Variants in CYP2C19 observed in about 807,000 individuals in gnomAD.
The protein encoded by CYP2C19 is cytochrome P450 family 2 subfamily C member 19.
Under a neutral mutation model 40.9 loss-of-function variants are expected in CYP2C19, and 59 were observed. That is an observed-to-expected ratio of 1.44 (90% confidence interval 1.17 to 1.79). The LOEUF (loss-of-function observed/expected upper bound fraction) is 1.79. Among genes scored for constraint, CYP2C19 ranks in the 40% most tolerant of loss-of-function variants. The pLI, the probability that CYP2C19 is intolerant of heterozygous loss-of-function variation, is 0.00. For missense variants in CYP2C19, 754 were observed against 596.9 expected (o/e 1.26, Z -2.74); for synonymous variants, 253 against 208.7 (o/e 1.21, Z -1.83).
At chr10:94,834,403 C>T (rs781746756) in intron 6 of CYP2C19, among the ~76,000 whole-genome samples, 4 of 151,824 alleles carry the variant, frequency 2.6e-5, no homozygotes, top group Non-Finnish European at 4.4e-5. Flanking sequence ...CTTAGTCTGG[C>T]TAAAAACTTG....
chr10:94,830,756 T>C (rs1251522729), intron 6 of CYP2C19, among the ~76,000 whole-genome samples: 3 of 152,204 alleles, frequency 2.0e-5, no homozygotes, highest in African/African-American at 7.2e-5. Context: ...TTTTTTCCTT[T>C]TTTATTTTTT....
intron 3 of CYP2C19, among the ~76,000 whole-genome samples, chr10:94,778,086 G>C (rs1357639820): frequency 6.6e-6 from 1 of 152,208 alleles, no homozygotes; most frequent in Non-Finnish European, 1.5e-5. Flanking sequence ...AGTGGCCAGA[G>C]TGTAGCCTCG....
chr10:94,815,997 A>G (rs1260069402), intron 5 of CYP2C19, among the ~76,000 whole-genome samples: 1 of 152,176 alleles, frequency 6.6e-6, no homozygotes, highest in African/African-American at 2.4e-5. Flanking sequence ...AGGTAATAGT[A>G]ACTTTAACAG....
chr10:94,824,789 G>A (rs568669844), intron 6 of CYP2C19, among the ~76,000 whole-genome samples: 1 of 145,816 alleles, frequency 6.9e-6, no homozygotes, highest in Non-Finnish European at 1.5e-5. Flanking sequence ...TATATCTCCC[G>A]ATGCTATCCC....
At chr10:94,851,479 TAAATAAATAAATAAG>T (rs1849653147) in intron 8 of CYP2C19, among the ~76,000 whole-genome samples, 2 of 146,522 alleles carry the variant, frequency 1.4e-5, no homozygotes, top group Non-Finnish European at 3.0e-5. Flanking sequence ...AATAAATAAA[TAAATAAATAAATAAG>T]AAATAAGAAA....
chr10:94,811,592 T>C (rs1305579826), intron 5 of CYP2C19, among the ~76,000 whole-genome samples: 1 of 152,178 alleles, frequency 6.6e-6, no homozygotes, highest in East Asian at 1.9e-4. Flanking sequence ...CTATTTAGGA[T>C]AGTTAGCTCT....
rs145232070 is a variant in CYP2C19 at position 94,820,510 on chromosome 10, A to G, written c.834A>G (p.Gln278=). The change falls in exon 6 of 9, where the codon CAA becomes CAG. Residue 278 remains glutamine (Q), a synonymous_variant. Coordinates refer to ENST00000371321, the MANE Select transcript of CYP2C19 (RefSeq NM_000769.4). ...ATCATTCCTAGGAAAAGCAAAACCA[A>G]CAGTCTGAATTCACTATTGAAAACT... is the stretch of plus-strand genomic sequence containing the variant. ...LIKMEKEKQN[Q]QSEFTIENLV... is the part of the protein sequence containing the mutation. 2 of 1,614,180 alleles carry G rather than the reference A, an allele frequency of 1.2e-6. No homozygotes were observed. Among genetic ancestry groups the G allele is most frequent in the East Asian group, 2.2e-5 (1 of 44,882 alleles).
At chr10:94,824,559 T>G (rs1483608297) in intron 6 of CYP2C19, among the ~76,000 whole-genome samples, 3 of 152,214 alleles carry the variant, frequency 2.0e-5, no homozygotes, top group African/African-American at 7.2e-5. Flanking sequence ...CATAACTTAA[T>G]GTTTAAACGT....
intron 7 of CYP2C19, among the ~76,000 whole-genome samples, chr10:94,846,279 T>G (rs1350282641): frequency 6.6e-6 from 1 of 152,158 alleles, no homozygotes; most frequent in Admixed American, 6.6e-5. Flanking sequence ...TCTTCGGGCT[T>G]GTTTTGTATA....
chr10:94,775,178 A>T lies in CYP2C19; in HGVS notation c.289A>T (p.Arg97Ter). 1 of 1,614,110 alleles carries T rather than the reference A, an allele frequency of 6.2e-7. No homozygotes were observed. The change falls in exon 2 of 9, where the codon AGA (arginine) becomes TGA (stop). Residue 97 changes from arginine (R) to a stop codon, truncating the protein, a stop_gained. Coordinates refer to ENST00000371321, the MANE Select transcript of CYP2C19 (RefSeq NM_000769.4). LOFTEE classifies it high-confidence loss of function. ...TGATCTTGGAGAGGAGTTTTCTGGA[A>T]GAGGCCATTTCCCACTGGCTGAAAG... Reference protein sequence around the residue: ...LIDLGEEFSGRGHFPLAERAN... With the variant: ...LIDLGEEFSG
At position 94,826,534 on chromosome 10, in the gene CYP2C19, T is replaced by G. The variant is rs1189433464; in HGVS notation, c.961+5897T>G. Reference sequence around the variant, plus strand: ...GTATCCTGAGACTTTGCTGAAGTTGTTTATCAGCTTAAGGAGATTTTGGGC... The same window carrying G: ...GTATCCTGAGACTTTGCTGAAGTTGGTTATCAGCTTAAGGAGATTTTGGGC... On this transcript the variant is annotated intron_variant, in intron 6 of 8. Transcript: ENST00000371321. Among the ~76,000 whole-genome samples, 5 of 152,274 alleles carry G rather than the reference T, an allele frequency of 3.3e-5. No homozygotes were observed. In the East Asian group the frequency reaches 9.7e-4, roughly 29 times the overall value.
In CYP2C19 at chr10:94,775,074, G is replaced by C. The variant is rs770401619; in HGVS notation, c.185G>C (p.Gly62Ala). The C allele has an allele frequency of 7.4e-6, 12 of 1,613,952 alleles. No homozygotes were observed. The highest frequency in any genetic ancestry group is 5.0e-5 in the Admixed American group (3 of 60,010). The change falls in exon 2 of 9, where the codon GGC becomes GCC. Residue 62 changes from glycine (G) to alanine (A), a missense_variant. By Grantham distance (60) the Gly-to-Ala change is moderately conservative (BLOSUM62 0). Transcript: ENST00000371321. ...CTTTTCTAGCTCTCAAAAATCTATG[G>C]CCCTGTGTTCACTCTGTATTTTGGC... The part of the protein sequence containing the change: ...KSLTNLSKIY[G>A]PVFTLYFGLE...
chr10:94,829,306 C>A (rs376754121), intron 6 of CYP2C19, among the ~76,000 whole-genome samples: 2 of 152,226 alleles, frequency 1.3e-5, no homozygotes, highest in Non-Finnish European at 2.9e-5. Flanking sequence ...TACACCAATC[C>A]GAAGTAGATT....
rs1316237390 is a variant in CYP2C19, at chr10:94,781,856, C to T, written c.678C>T (p.Phe226=). ...CNNFPTIIDY[F]PGTHNKLLKN... is the part of the protein sequence containing the mutation. ...ATTTTCCCACTATCATTGATTATTT[C>T]CCGGGAACCCATAACAAATTACTTA... is the stretch of plus-strand genomic sequence containing the variant. Residue 226 remains phenylalanine (F), a synonymous_variant, in exon 5 of 9, where the codon TTC becomes TTT. Transcript: ENST00000371321. 4 of 1,475,230 alleles carry T rather than the reference C, an allele frequency of 2.7e-6. No individual in the cohort carries two copies. In the South Asian group the frequency reaches 4.5e-5, roughly 17 times the overall value. 91.4% of individuals were successfully genotyped at this position (1,475,230 alleles called of 1,614,324 possible).
intron 5 of CYP2C19, among the ~76,000 whole-genome samples, chr10:94,803,090 G>A (rs576917240): frequency 1.4e-4 from 22 of 152,018 alleles, no homozygotes; most frequent in Non-Finnish European, 1.5e-4. Context: ...GTTCATTGCT[G>A]GGGAGTTAGT....
chr10:94,812,226 G>C (rs1326796698), intron 5 of CYP2C19, among the ~76,000 whole-genome samples: 1 of 152,172 alleles, frequency 6.6e-6, no homozygotes, highest in Non-Finnish European at 1.5e-5. Flanking sequence ...GGCTTGTCGA[G>C]CTTCTCCAGA....
intron 5 of CYP2C19, among the ~76,000 whole-genome samples, chr10:94,815,309 A>T (rs115745622): frequency 0.014 from 2,078 of 152,308 alleles, 52 homozygotes; most frequent in African/African-American, 0.046. Flanking sequence ...GGTGTTAACT[A>T]CACAATGTTT....
intron 7 of CYP2C19, among the ~76,000 whole-genome samples, chr10:94,847,146 A>G (rs1481669617): frequency 6.6e-6 from 1 of 152,054 alleles, no homozygotes. Flanking sequence ...TTACAAATGT[A>G]TACATGTGCC....
chr10:94,817,280 G>A (rs1849021251), intron 5 of CYP2C19, among the ~76,000 whole-genome samples: 3 of 150,984 alleles, frequency 2.0e-5, no homozygotes, highest in Non-Finnish European at 3.0e-5. Flanking sequence ...TCTAACTGGT[G>A]TGAGATGATA....
Sources: gnomAD v4.1 joint callset for allele counts (sites outside exome capture counted in the v4.1 genomes callset) on GRCh38, gnomAD v4.1.1 for gene constraint, MANE v1.5 for transcripts, NCBI Gene and HGNC (gene_info 2026-07-23, HGNC 2026-07-21) for gene names.